Variants in MRPS5 observed in about 807,000 individuals in gnomAD.
MRPS5 encodes the protein small ribosomal subunit protein uS5m.
Under a neutral mutation model 51.9 loss-of-function variants are expected in MRPS5, and 27 were observed. That is an observed-to-expected ratio of 0.52 (90% CI 0.38 to 0.72). MRPS5 has a LOEUF of 0.72. Among genes scored for constraint, MRPS5 ranks in the 30% least tolerant of loss-of-function variants. MRPS5 has a pLI of 0.00. For synonymous variants in MRPS5, 196 were observed against 193.2 expected (o/e 1.01, Z -0.12); for missense variants, 570 against 545.7 (o/e 1.04, Z -0.44).
chr2:95,099,383 GT>G (rs368636448), intron 10 of MRPS5, among the ~76,000 whole-genome samples: 209 of 152,002 alleles, frequency 1.4e-3, no homozygotes, highest in African/African-American at 4.6e-3. Context: ...ATTTTGAAAA[GT>G]TTTTTTTAAA....
At position 95,090,639 on chromosome 2, in the gene MRPS5, G is replaced by C. The variant is rs992308459; in HGVS notation, c.932-117C>G. On this transcript the variant is annotated intron_variant, in intron 10 of 11. Coordinates refer to ENST00000272418, the MANE Select transcript of MRPS5 (RefSeq NM_031902.5). ...CTTCGGGAAACTGGTTCATATTCTGGTATCACCACTTCCTAGTGAGCTGAC... is the reference window on the plus strand; with the variant it reads ...CTTCGGGAAACTGGTTCATATTCTGCTATCACCACTTCCTAGTGAGCTGAC... 7 of 1,141,450 alleles carry C rather than the reference G, an allele frequency of 6.1e-6. No homozygotes were observed. The East Asian group carries it at 7.3e-5, about 12-fold the overall frequency. The allele number at this position is 1,141,450 out of a possible 1,614,324, so 70.7% of individuals were successfully genotyped here. A position where few individuals can be genotyped will look rare whatever the true frequency, so the allele number is the denominator to read the frequency against.
chr2:95,096,117 C>T, intron 10 of MRPS5, among the ~76,000 whole-genome samples: 1 of 152,176 alleles, frequency 6.6e-6, no homozygotes, highest in Admixed American at 6.5e-5. Context: ...CACATACACC[C>T]TCCCCAGACT....
At chr2:95,099,599 G>T (rs918469990) in intron 10 of MRPS5, among the ~76,000 whole-genome samples, 8 of 152,162 alleles carry the variant, frequency 5.3e-5, no homozygotes, top group Non-Finnish European at 1.0e-4. Flanking sequence ...GTGACTAGTG[G>T]CTGCTGTATG....
chr2:95,087,672 T>C, intron 11 of MRPS5, 91 bp from the exon 12 acceptor site: 2 of 1,105,618 alleles, frequency 1.8e-6, no homozygotes, highest in Non-Finnish European at 2.6e-6. Flanking sequence ...CAGTACAGCC[T>C]GGGGGTATTC....
intron 6 of MRPS5, among the ~76,000 whole-genome samples, chr2:95,104,988 A>C (rs1472439300): frequency 6.6e-6 from 1 of 152,196 alleles, no homozygotes; most frequent in Non-Finnish European, 1.5e-5. Context: ...CCTTTAAAGG[A>C]ATTTGACATT....
intron 7 of MRPS5, among the ~76,000 whole-genome samples, chr2:95,103,111 C>G (rs1675850468): frequency 6.6e-6 from 1 of 152,134 alleles, no homozygotes; most frequent in South Asian, 2.1e-4. Context: ...GAAGTGATAA[C>G]TAATATTTAT....
At chr2:95,110,274 T>C (rs1307654857) in intron 3 of MRPS5, among the ~76,000 whole-genome samples, 1 of 152,234 alleles carries the variant, frequency 6.6e-6, no homozygotes, top group East Asian at 1.9e-4. Context: ...CTAAATATTT[T>C]ATTTTTCCCT....
intron 3 of MRPS5, among the ~76,000 whole-genome samples, chr2:95,113,859 C>T (rs1295634787): frequency 1.3e-5 from 2 of 151,852 alleles, no homozygotes; most frequent in Admixed American, 6.6e-5. Flanking sequence ...CGGTGGCTCA[C>T]GCCTGTAATC....
At position 95,087,577 on chromosome 2, in the gene MRPS5, G is replaced by C. The variant is rs1306537452; in HGVS notation, c.1073C>G (p.Thr358Ser). Residue 358 changes from threonine (T) to serine (S), a missense_variant, in exon 12 of 12, where the codon ACC (threonine) becomes AGC (serine). Physicochemically the swap from Thr to Ser is moderately conservative, Grantham distance 58. Transcript: ENST00000272418. ...GLFRGLSRQE[T>S]HQQLADKKGL... ...CTTCTTATCAGCCAGCTGTTGATGGGTTTCCTAAGCAAGACCAAATTCAGA... is the reference window on the plus strand; with the variant it reads ...CTTCTTATCAGCCAGCTGTTGATGGCTTTCCTAAGCAAGACCAAATTCAGA... 1 of 1,612,536 alleles carries C rather than the reference G, an allele frequency of 6.2e-7. No individual in the cohort carries two copies. Among genetic ancestry groups the C allele is most frequent in the African/African-American group, 1.3e-5 (1 of 74,960 alleles).
At chr2:95,101,278 G>T (rs796628247) in intron 8 of MRPS5, among the ~76,000 whole-genome samples, 3 of 152,106 alleles carry the variant, frequency 2.0e-5, no homozygotes, top group African/African-American at 7.2e-5. Context: ...CAGCTACTTG[G>T]GAGGCGGAGG....
At chr2:95,099,063 C>T (rs1357634293) in intron 10 of MRPS5, among the ~76,000 whole-genome samples, 4 of 151,336 alleles carry the variant, frequency 2.6e-5, no homozygotes, top group South Asian at 2.1e-4. Flanking sequence ...GGACTACAGG[C>T]GCCTGCCACT....
chr2:95,121,686 CA>C (rs1558690116), intron 1 of MRPS5, 47 bp downstream of exon 1: 1 of 1,516,676 alleles, frequency 6.6e-7, no homozygotes, highest in South Asian at 1.2e-5. Context: ...GCGAGCCCCC[CA>C]CTCCCGGCCC....
intron 10 of MRPS5, chr2:95,092,710 T>G (rs945574775): frequency 4.6e-5 from 7 of 152,188 alleles, no homozygotes; most frequent in African/African-American, 1.7e-4. Flanking sequence ...GTTCTTCAAT[T>G]AAATTAAAAT....
chr2:95,106,534 A>G (rs1252209053), intron 5 of MRPS5, 77 bp from the exon 6 acceptor site: 2 of 1,162,334 alleles, frequency 1.7e-6, no homozygotes, highest in Admixed American at 1.7e-5. Context: ...CAACACAGGC[A>G]CCATCACAGA....
chr2:95,089,456 T>C (rs1675393539), intron 11 of MRPS5, among the ~76,000 whole-genome samples: 1 of 152,188 alleles, frequency 6.6e-6, no homozygotes, highest in Admixed American at 6.5e-5. Flanking sequence ...CTACCCATCC[T>C]TTCAAGAGAC....
In MRPS5 at chr2:95,086,881, C is replaced by T. The variant is rs1398304608; in HGVS notation, c.*476G>A. Among the ~76,000 whole-genome samples, 1 of 152,116 alleles carries T rather than the reference C, an allele frequency of 6.6e-6. No homozygotes were observed. Among genetic ancestry groups the T allele is most frequent in the African/African-American group, 2.4e-5 (1 of 41,420 alleles). On this transcript the variant is annotated 3_prime_UTR_variant, in exon 12 of 12. Transcript: ENST00000272418. Reference sequence around the variant, plus strand: ...ATTGCAATGGTATACAATTAATATACCATTTAACATTCCCAATAGTAGCCT... The same window carrying T: ...ATTGCAATGGTATACAATTAATATATCATTTAACATTCCCAATAGTAGCCT...
intron 7 of MRPS5, chr2:95,103,650 T>C (rs1487776806): frequency 6.6e-6 from 1 of 152,204 alleles, no homozygotes; most frequent in Non-Finnish European, 1.5e-5. Flanking sequence ...TTTTTATAAT[T>C]AGTAAAAATT....
chr2:95,097,833 C>T (rs528527967), intron 10 of MRPS5, among the ~76,000 whole-genome samples: 1 of 152,108 alleles, frequency 6.6e-6, no homozygotes, highest in Non-Finnish European at 1.5e-5. Context: ...GCAACAAAAG[C>T]CAAAATTGAC....
At chr2:95,108,985 C>T (rs1676037450) in intron 4 of MRPS5, among the ~76,000 whole-genome samples, 1 of 150,764 alleles carries the variant, frequency 6.6e-6, no homozygotes, top group Non-Finnish European at 1.5e-5. Context: ...TGTATAAATA[C>T]CTAAAATTTA....
Sources: allele counts gnomAD v4.1 joint callset (sites outside exome capture counted in the v4.1 genomes callset), GRCh38; gene constraint gnomAD v4.1.1; transcripts MANE v1.5; gene names NCBI Gene and HGNC (gene_info 2026-07-23, HGNC 2026-07-21).